USP39: variants seen among roughly 807,000 people sequenced by gnomAD.
The protein encoded by USP39 is ubiquitin carboxyl-terminal hydrolase 39.
A neutral mutation model predicts 66.4 loss-of-function variants in USP39; 38 were observed. The observed-to-expected ratio is 0.57, with a 90% CI of 0.44 to 0.75. The LOEUF (loss-of-function observed/expected upper bound fraction) is 0.75. Ranked by LOEUF, USP39 falls within the 30% of genes least tolerant of loss-of-function variation. USP39 has a pLI of 0.00. For synonymous variants in USP39, 303 were observed against 274.6 expected (o/e 1.10, Z -1.02); for missense variants, 608 against 714.4 (o/e 0.85, Z 1.70).
intron 5 of USP39, among the ~76,000 whole-genome samples, chr2:85,629,621 T>C (rs1041802072): frequency 2.0e-5 from 3 of 149,510 alleles, no homozygotes; most frequent in African/African-American, 4.9e-5. Context: ...CTCAGCCTCC[T>C]GAGTAGCTGG....
intron 2 of USP39, among the ~76,000 whole-genome samples, chr2:85,620,154 A>G (rs1674349471): frequency 1.3e-5 from 2 of 148,610 alleles, no homozygotes; most frequent in Admixed American, 1.3e-4. Context: ...CACCACGCCC[A>G]GCCAACGAGA....
intron 4 of USP39, 23 bp downstream of exon 4, chr2:85,623,805 T>C: frequency 6.3e-7 from 1 of 1,599,310 alleles, no homozygotes. Context: ...GAGGGTTGGT[T>C]TGGGGTCCAT....
chr2:85,607,158 G>C (rs1673244069), upstream of USP39: 2 of 152,152 alleles, frequency 1.3e-5, no homozygotes. Flanking sequence ...TGATCCAGCT[G>C]TGCGAAAACA....
Position 85,630,963 on chromosome 2 carries a change from C to T in USP39, c.949+17C>T, listed in dbSNP as rs773524086. On this transcript the variant is annotated intron_variant, in intron 6 of 12. Coordinates refer to ENST00000323701, the MANE Select transcript of USP39 (RefSeq NM_006590.4). Reference sequence around the variant, plus strand: ...CCAAACAAGGTAAGAACAAGTCATTCATGTTTCAGGACAACAAAACTAGTT... The same window carrying T: ...CCAAACAAGGTAAGAACAAGTCATTTATGTTTCAGGACAACAAAACTAGTT... 23 of 1,607,424 alleles carry T rather than the reference C, an allele frequency of 1.4e-5. No homozygotes were observed. Among genetic ancestry groups the T allele is most frequent in the African/African-American group, 1.3e-4 (10 of 74,666 alleles).
At chr2:85,629,855 T>C (rs1011420279) in intron 5 of USP39, among the ~76,000 whole-genome samples, 2 of 151,816 alleles carry the variant, frequency 1.3e-5, no homozygotes, top group African/African-American at 4.8e-5. Flanking sequence ...TGGCTGGGCA[T>C]GGTGGCTTAG....
intron 6 of USP39, 137 bp downstream of exon 6, chr2:85,631,083 C>T (rs948798813): frequency 3.9e-6 from 3 of 762,222 alleles, no homozygotes; most frequent in Non-Finnish European, 6.2e-6. Context: ...GGCATGGTCT[C>T]AGCTCACTGC....
rs1178543122 is a variant in USP39 at position 85,625,547 on chromosome 2, G to A, written c.579G>A (p.Leu193=). 6.2e-7 allele frequency: 1 copy of A among 1,613,866 alleles called. No homozygotes were observed. The highest frequency in any genetic ancestry group is 1.1e-5 in the South Asian group (1 of 91,068). The stretch of plus-strand genomic sequence containing the variant: ...TTTCTTTTGCTTTGCAGTATGTGTT[G>A]AAGCCCACTTTCACAAAGCAGCAAA... ...DSSLEDITYV[L]KPTFTKQQIA... is the part of the protein sequence containing the mutation. Residue 193 remains leucine, a synonymous_variant, in exon 5 of 13, where the codon TTG becomes TTA. Transcript: ENST00000323701.
chr2:85,616,022 G>A (rs192690824), upstream of USP39: 40 of 1,252,908 alleles, frequency 3.2e-5, no homozygotes, highest in African/African-American at 5.1e-4. Context: ...TCTAAGGGGA[G>A]AGGAAGCCAG....
At chr2:85,608,344 G>A (rs1673293075), upstream of USP39, 1 of 152,132 alleles carries the variant, frequency 6.6e-6, no homozygotes, top group African/African-American at 2.4e-5. Context: ...GAATTACTTG[G>A]AGAGTTTTTT....
intron 2 of USP39, among the ~76,000 whole-genome samples, chr2:85,620,556 G>A (rs918669535): frequency 3.4e-4 from 52 of 152,050 alleles, no homozygotes; most frequent in Non-Finnish European, 5.6e-4. Context: ...AGTGGCTCCT[G>A]CAGTTGAAGA....
At chr2:85,639,433 C>T in intron 9 of USP39, 42 bp downstream of exon 9, 1 of 1,504,380 alleles carries the variant, frequency 6.6e-7, no homozygotes, top group Non-Finnish European at 8.9e-7. Flanking sequence ...CTTACCCTCG[C>T]TCTCTCGACT....
intron 6 of USP39, among the ~76,000 whole-genome samples, chr2:85,631,547 G>A (rs1290093794): frequency 1.3e-5 from 2 of 152,012 alleles, no homozygotes; most frequent in Admixed American, 1.3e-4. Flanking sequence ...ATTCTTCTCT[G>A]ACCAATCTGC....
At chr2:85,634,571 G>C (rs1238316974) in intron 6 of USP39, among the ~76,000 whole-genome samples, 3 of 152,088 alleles carry the variant, frequency 2.0e-5, no homozygotes, top group Non-Finnish European at 4.4e-5. Flanking sequence ...GAGACGCTGT[G>C]TCGCGAAGAA....
chr2:85,612,226 T>TG, upstream of USP39: 2 of 1,305,552 alleles, frequency 1.5e-6, no homozygotes, highest in Non-Finnish European at 2.1e-6. Context: ...TGTTTTTTTT[T>TG]GTTTGTTTTT....
intron 9 of USP39, 51 bp downstream of exon 9, chr2:85,639,442 C>A: frequency 3.8e-4 from 470 of 1,244,310 alleles, no homozygotes; most frequent in Non-Finnish European, 4.7e-4. Context: ...GCTCTCTCGA[C>A]TTTTTCATTT....
At chr2:85,618,268 C>T (rs970882655) in intron 1 of USP39, among the ~76,000 whole-genome samples, 4 of 147,446 alleles carry the variant, frequency 2.7e-5, no homozygotes, top group African/African-American at 4.9e-5. Flanking sequence ...CTTTAAACTA[C>T]GTAGTACATT....
chr2:85,630,540 C>T lies in USP39; in HGVS notation c.724-181C>T, dbSNP rs115161090. Among the ~76,000 whole-genome samples the T allele has an allele frequency of 6.9e-3, 1,052 of 152,332 alleles. 9 individuals carry two copies. Among genetic ancestry groups the T allele is most frequent in the Admixed American group, 0.012 (179 of 15,286 alleles). On this transcript the variant is annotated intron_variant, in intron 5 of 12. Transcript: ENST00000323701. ...GAACTGTAGTTCGTATGAAACTCAACGTTAATGATATTTCTGTGATGTGAG... is the reference window on the plus strand; with the variant it reads ...GAACTGTAGTTCGTATGAAACTCAATGTTAATGATATTTCTGTGATGTGAG...
chr2:85,609,214 G>T, upstream of USP39: 1 of 1,293,680 alleles, frequency 7.7e-7, no homozygotes, highest in Non-Finnish European at 1.1e-6. Flanking sequence ...CTGTAATAGT[G>T]ATTCTCCACT....
chr2:85,609,601 C>T (rs868268307), upstream of USP39: 1 of 1,613,868 alleles, frequency 6.2e-7, no homozygotes, highest in African/African-American at 1.3e-5. Context: ...AAGGATGAAC[C>T]ACAGTAAGAA....
Sources: gnomAD v4.1 joint callset for allele counts (sites outside exome capture counted in the v4.1 genomes callset) on GRCh38, gnomAD v4.1.1 for gene constraint, MANE v1.5 for transcripts, NCBI Gene and HGNC (gene_info 2026-07-23, HGNC 2026-07-21) for gene names.